GPR39: variants seen among roughly 807,000 people sequenced by gnomAD.
GPR39 encodes zinc sensing receptor.
GPR39 carries 23 observed loss-of-function variants against 18.4 expected under a neutral mutation model. That is an observed-to-expected ratio of 1.25 (90% CI 0.90 to 1.77). The LOEUF (loss-of-function observed/expected upper bound fraction) is 1.77. GPR39 is among the 40% of genes most tolerant of loss of function. The pLI, the probability that GPR39 is intolerant of heterozygous loss-of-function variation, is 0.00. For missense variants in GPR39, 647 were observed against 602.4 expected (o/e 1.07, Z -0.78); for synonymous variants, 280 against 257.9 (o/e 1.09, Z -0.82).
In GPR39 at chr2:132,479,920, C is replaced by T. The variant is rs891416202; in HGVS notation, c.856+62022C>T. Among the ~76,000 whole-genome samples, 5 of 150,528 alleles carry T rather than the reference C, an allele frequency of 3.3e-5. No individual in the cohort carries two copies. In the East Asian group the frequency reaches 7.8e-4, roughly 24 times the overall value. Reference sequence around the variant, plus strand: ...TGTAGACCCACATTCATAGCAGCACCGTTTGCCATAGCCAAGAGAACCCTT... The same window carrying T: ...TGTAGACCCACATTCATAGCAGCACTGTTTGCCATAGCCAAGAGAACCCTT... On this transcript the variant is annotated intron_variant, in intron 1 of 1. Transcript: ENST00000329321.
intron 1 of GPR39, among the ~76,000 whole-genome samples, chr2:132,506,799 G>A (rs1417544797): frequency 3.9e-5 from 6 of 152,072 alleles, no homozygotes; most frequent in Non-Finnish European, 7.4e-5. Context: ...ATGAGACTTG[G>A]GTAGGGACAC....
At chr2:132,624,627 A>G (rs1477785578) in intron 1 of GPR39, among the ~76,000 whole-genome samples, 1 of 152,128 alleles carries the variant, frequency 6.6e-6, no homozygotes, top group Non-Finnish European at 1.5e-5. Context: ...GACTTCTAAC[A>G]CCATACCTTA....
intron 1 of GPR39, among the ~76,000 whole-genome samples, chr2:132,467,353 A>T (rs1680945501): frequency 6.6e-6 from 1 of 152,208 alleles, no homozygotes; most frequent in African/African-American, 2.4e-5. Flanking sequence ...AGTGAGAACT[A>T]AACTTTGGGT....
At chr2:132,591,017 C>T (rs1211231155) in intron 1 of GPR39, among the ~76,000 whole-genome samples, 1 of 150,660 alleles carries the variant, frequency 6.6e-6, no homozygotes, top group South Asian at 2.1e-4. Context: ...TTTGGGAGGC[C>T]GAGGCGGGTG....
intron 1 of GPR39, among the ~76,000 whole-genome samples, chr2:132,580,151 TAA>T (rs1431950709): frequency 4.6e-5 from 7 of 152,236 alleles, no homozygotes. Flanking sequence ...GGATGGTATG[TAA>T]AGTCTCTAAT....
chr2:132,417,266 TG>T lies in GPR39; in HGVS notation c.226del (p.Ala76LeufsTer24). On this transcript the variant is annotated frameshift_variant, in exon 1 of 2. Transcript: ENST00000329321. LOFTEE classifies it high-confidence loss of function. ...QKEVTDHMVS[L>X]ACSDILVFLI... ...GAGGTGACAGACCACATGGTGAGTTTGGCTTGCTCGGACATCTTGGTGTTCC... is the reference window on the plus strand; with the variant it reads ...GAGGTGACAGACCACATGGTGAGTTTGCTTGCTCGGACATCTTGGTGTTCC... 6.2e-7 allele frequency: 1 copy of T among 1,614,210 alleles called. No individual in the cohort carries two copies. Among genetic ancestry groups the T allele is most frequent in the Non-Finnish European group, 8.5e-7 (1 of 1,180,038 alleles).
chr2:132,558,289 A>C (rs1382935240), intron 1 of GPR39, among the ~76,000 whole-genome samples: 2 of 151,904 alleles, frequency 1.3e-5, no homozygotes, highest in East Asian at 3.9e-4. Flanking sequence ...TCTTGTGAGG[A>C]GGAAATGAGA....
chr2:132,564,830 T>G (rs1680319683), intron 1 of GPR39, among the ~76,000 whole-genome samples: 1 of 143,092 alleles, frequency 7.0e-6, no homozygotes, highest in South Asian at 2.3e-4. Flanking sequence ...TTTTTTTTTT[T>G]TGTTGAGACA....
intron 1 of GPR39, among the ~76,000 whole-genome samples, chr2:132,446,373 A>G (rs1680538658): frequency 6.6e-6 from 1 of 152,154 alleles, no homozygotes; most frequent in Admixed American, 6.5e-5. Flanking sequence ...CATAAACCAG[A>G]TGTTGCAATT....
At chr2:132,625,890 G>A (rs1268963982) in intron 1 of GPR39, among the ~76,000 whole-genome samples, 5 of 152,034 alleles carry the variant, frequency 3.3e-5, no homozygotes, top group Non-Finnish European at 5.9e-5. Context: ...TCACAAGGTT[G>A]GGAGATCGAG....
chr2:132,471,044 C>G (rs1328783770), intron 1 of GPR39, among the ~76,000 whole-genome samples: 2 of 152,184 alleles, frequency 1.3e-5, no homozygotes, highest in African/African-American at 2.4e-5. Flanking sequence ...GATATCTTGC[C>G]TAGCAGGATT....
intron 1 of GPR39, among the ~76,000 whole-genome samples, chr2:132,641,467 A>G (rs1458074078): frequency 6.6e-6 from 1 of 152,014 alleles, no homozygotes; most frequent in Non-Finnish European, 1.5e-5. Flanking sequence ...TGCTCTGGGG[A>G]GGGGCTAGGA....
intron 1 of GPR39, among the ~76,000 whole-genome samples, chr2:132,571,581 C>T (rs970235115): frequency 6.6e-6 from 1 of 152,098 alleles, no homozygotes; most frequent in African/African-American, 2.4e-5. Context: ...ATTGAAGTTT[C>T]ATTACCCTTG....
chr2:132,614,147 A>G (rs1186546835), intron 1 of GPR39, among the ~76,000 whole-genome samples: 1 of 150,572 alleles, frequency 6.6e-6, no homozygotes, highest in Non-Finnish European at 1.5e-5. Flanking sequence ...CCATCCATCC[A>G]GAATTGCAGT....
intron 1 of GPR39, among the ~76,000 whole-genome samples, chr2:132,599,034 G>A (rs1438762537): frequency 6.6e-6 from 1 of 152,018 alleles, no homozygotes; most frequent in East Asian, 1.9e-4. Context: ...GGGTGGAGGT[G>A]CGGTGGTGGT....
chr2:132,547,031 C>G lies in GPR39; in HGVS notation c.857-98070C>G, dbSNP rs551988146. On this transcript the variant is annotated intron_variant, in intron 1 of 1. Coordinates refer to ENST00000329321, the MANE Select transcript of GPR39 (RefSeq NM_001508.3). Reference sequence around the variant, plus strand: ...AAGTGGTCCTTGGAGGAGCAAGATGCTGTGTTTCCTATTTTCCGTTGCCTC... The same window carrying G: ...AAGTGGTCCTTGGAGGAGCAAGATGGTGTGTTTCCTATTTTCCGTTGCCTC... Among the ~76,000 whole-genome samples, 6 of 152,082 alleles carry G rather than the reference C, an allele frequency of 3.9e-5. No individual in the cohort carries two copies. In the East Asian group the frequency reaches 1.2e-3, roughly 30 times the overall value.
At chr2:132,636,826 G>A (rs1032501392) in intron 1 of GPR39, among the ~76,000 whole-genome samples, 19 of 152,346 alleles carry the variant, frequency 1.2e-4, no homozygotes, top group Admixed American at 1.2e-3. Context: ...TCGACTTGCT[G>A]TTTTGGTTGC....
chr2:132,574,106 A>AGGAT (rs1680488614), intron 1 of GPR39, among the ~76,000 whole-genome samples: 1 of 152,264 alleles, frequency 6.6e-6, no homozygotes, highest in Non-Finnish European at 1.5e-5. Context: ...ATTCAGGGAA[A>AGGAT]GGATATACCA....
chr2:132,487,844 G>A (rs1681373173), intron 1 of GPR39, among the ~76,000 whole-genome samples: 1 of 151,296 alleles, frequency 6.6e-6, no homozygotes, highest in Admixed American at 6.6e-5. Flanking sequence ...GAGAAAGGGA[G>A]AATATTGGAA....
Sources: allele counts gnomAD v4.1 joint callset (sites outside exome capture counted in the v4.1 genomes callset), GRCh38; gene constraint gnomAD v4.1.1; transcripts MANE v1.5; gene names NCBI Gene and HGNC (gene_info 2026-07-23, HGNC 2026-07-21).